Variants in RANBP17 observed in about 807,000 individuals in gnomAD.
RANBP17 encodes ran-binding protein 17.
Under a neutral mutation model 141.2 loss-of-function variants are expected in RANBP17, and 158 were observed. The ratio of observed to expected loss-of-function variants is 1.12; its 90% CI spans 0.98 to 1.28. The LOEUF (loss-of-function observed/expected upper bound fraction) is 1.28. Among genes scored for constraint, RANBP17 ranks in the 50% most tolerant of loss-of-function variants. RANBP17 has a pLI of 0.00. For synonymous variants in RANBP17, 430 were observed against 450.0 expected (o/e 0.96, Z 0.56); for missense variants, 1,438 against 1,290.7 (o/e 1.11, Z -1.75).
chr5:171,248,487 A>G (rs1026439093), intron 24 of RANBP17, among the ~76,000 whole-genome samples: 4 of 152,198 alleles, frequency 2.6e-5, no homozygotes, highest in Non-Finnish European at 2.9e-5. Context: ...TGCAGAGAAA[A>G]GGGTAAATGA....
chr5:170,908,000 C>T (rs1466616995), intron 5 of RANBP17, among the ~76,000 whole-genome samples: 2 of 151,748 alleles, frequency 1.3e-5, no homozygotes, highest in Non-Finnish European at 2.9e-5. Context: ...TCAGAATGGC[C>T]ATTATTAAAT....
At chr5:170,902,075 C>T (rs1388762200) in intron 5 of RANBP17, among the ~76,000 whole-genome samples, 3 of 152,052 alleles carry the variant, frequency 2.0e-5, no homozygotes, top group African/African-American at 2.4e-5. Flanking sequence ...CCTGTCTTGG[C>T]GGGTTGGGGA....
chr5:171,295,271 G>A (rs1443149310), intron 26 of RANBP17, among the ~76,000 whole-genome samples: 2 of 152,178 alleles, frequency 1.3e-5, no homozygotes, highest in Non-Finnish European at 2.9e-5. Flanking sequence ...AGAAAAGGCT[G>A]TGCAGGTGTT....
At chr5:170,974,539 T>C (rs1233280301) in intron 14 of RANBP17, among the ~76,000 whole-genome samples, 6 of 152,114 alleles carry the variant, frequency 3.9e-5, no homozygotes, top group African/African-American at 1.4e-4. Context: ...GCTCTTTTAG[T>C]CTAGAGTTCC....
rs764039794 is a variant in RANBP17 at position 171,205,585 on chromosome 5, C to G, written c.2204C>G (p.Thr735Ser). 6.8e-6 allele frequency: 11 copies of G among 1,613,732 alleles called. No homozygotes were observed. In the African/African-American group the frequency reaches 1.2e-4, roughly 18 times the overall value. The change falls in exon 20 of 28, where the codon ACC becomes AGC. Residue 735 changes from threonine to serine, a missense_variant. Thr to Ser is a moderately conservative substitution (Grantham distance 58, BLOSUM62 1). Coordinates refer to ENST00000523189, the MANE Select transcript of RANBP17 (RefSeq NM_022897.5). ...RGIAFALNTK[T>S]SYTMLFDWMY... ...ATTGCCTTTGCACTGAACACAAAGA[C>G]CAGCTACACCATGCTGTTTGACTGG...
chr5:171,033,496 GT>G (rs1316503555), intron 14 of RANBP17, among the ~76,000 whole-genome samples: 4 of 152,100 alleles, frequency 2.6e-5, no homozygotes. Flanking sequence ...GGAAGAATAT[GT>G]TGCCTATGTT....
At chr5:170,970,519 A>C (rs1776907545) in intron 14 of RANBP17, 1 of 152,014 alleles carries the variant, frequency 6.6e-6, no homozygotes, top group Non-Finnish European at 1.5e-5. Context: ...GCTCTCTGTT[A>C]ATTCCAGGTA....
At chr5:171,274,528 T>C (rs1232400149) in intron 25 of RANBP17, among the ~76,000 whole-genome samples, 2 of 152,164 alleles carry the variant, frequency 1.3e-5, no homozygotes, top group Non-Finnish European at 2.9e-5. Context: ...GTAACAAAAT[T>C]GGTATTTTAA....
At position 170,928,681 on chromosome 5, in the gene RANBP17, A is replaced by G. The variant is rs560503196; in HGVS notation, c.1468+4131A>G. Among the ~76,000 whole-genome samples the G allele has an allele frequency of 5.4e-4, 82 of 152,116 alleles. 1 individual carries two copies. Among genetic ancestry groups the G allele is most frequent in the Admixed American group, 1.2e-3 (19 of 15,270 alleles). On this transcript the variant is annotated intron_variant, in intron 12 of 27. Coordinates refer to ENST00000523189, the MANE Select transcript of RANBP17 (RefSeq NM_022897.5). ...ACTTTTTGTTCTGTACCACTGATCTATATATGTTTATCCTTATGCTAATAC... is the reference window on the plus strand; with the variant it reads ...ACTTTTTGTTCTGTACCACTGATCTGTATATGTTTATCCTTATGCTAATAC...
At chr5:171,247,943 G>A (rs1581113447) in intron 24 of RANBP17, among the ~76,000 whole-genome samples, 1 of 152,164 alleles carries the variant, frequency 6.6e-6, no homozygotes, top group South Asian at 2.1e-4. Context: ...GGTGGAAAAA[G>A]AATAAGTCAA....
intron 14 of RANBP17, among the ~76,000 whole-genome samples, chr5:171,007,680 T>C (rs545656435): frequency 6.6e-6 from 1 of 152,234 alleles, no homozygotes; most frequent in Admixed American, 6.5e-5. Context: ...ACAAAAATTA[T>C]CTAGGTCTCG....
intron 14 of RANBP17, among the ~76,000 whole-genome samples, chr5:171,169,830 G>T (rs567513893): frequency 6.6e-6 from 1 of 151,770 alleles, no homozygotes; most frequent in Non-Finnish European, 1.5e-5. Flanking sequence ...CCAGAAAGGG[G>T]TGGTCTACCA....
chr5:171,135,285 A>G (rs1757197288), intron 14 of RANBP17, among the ~76,000 whole-genome samples: 1 of 151,552 alleles, frequency 6.6e-6, no homozygotes. Flanking sequence ...ATCTCAAAAA[A>G]AAAAAAAAAA....
At chr5:171,223,479 C>CA (rs1403051080) in intron 22 of RANBP17, among the ~76,000 whole-genome samples, 1 of 151,926 alleles carries the variant, frequency 6.6e-6, no homozygotes, top group Non-Finnish European at 1.5e-5. Flanking sequence ...ACCAAAAATA[C>CA]AAAAAATTAG....
intron 14 of RANBP17, among the ~76,000 whole-genome samples, chr5:171,083,178 T>C (rs2127712583): frequency 6.6e-6 from 1 of 152,318 alleles, no homozygotes; most frequent in East Asian, 1.9e-4. Context: ...ACTGCATATT[T>C]GTGTGCCCTC....
Position 171,126,135 on chromosome 5 carries a change from T to C in RANBP17, c.1711-43995T>C, listed in dbSNP as rs566059805. Among the ~76,000 whole-genome samples the C allele has an allele frequency of 2.0e-5, 3 of 152,228 alleles. No individual in the cohort carries two copies. The South Asian group carries it at 6.2e-4, about 32-fold the overall frequency. On this transcript the variant is annotated intron_variant, in intron 14 of 27. Transcript: ENST00000523189. The stretch of plus-strand genomic sequence containing the variant: ...TGCCACATATTATATCTGACCACAA[T>C]GGGATAAAACTAGAAATTAGTAATG...
chr5:171,296,015 G>T lies in RANBP17; in HGVS notation c.3170+1G>T. On this transcript the variant is annotated splice_donor_variant, in intron 27 of 27. Transcript: ENST00000523189. LOFTEE classifies it high-confidence loss of function. ...ACCTGTCCGTCAAGAACAGAGACAG[G>T]TGAGCATTGCCCAGTAGTGTGTCAC... is the stretch of plus-strand genomic sequence containing the variant. The T allele has an allele frequency of 6.2e-7, 1 of 1,613,092 alleles. No individual in the cohort carries two copies. Among genetic ancestry groups the T allele is most frequent in the South Asian group, 1.1e-5 (1 of 90,986 alleles).
intron 14 of RANBP17, among the ~76,000 whole-genome samples, chr5:171,128,913 T>C (rs369165764): frequency 3.3e-5 from 5 of 152,244 alleles, no homozygotes; most frequent in South Asian, 4.1e-4. Flanking sequence ...TTTGCCTATT[T>C]ATTCTTTCAA....
chr5:171,124,279 A>T (rs1465154919), intron 14 of RANBP17, among the ~76,000 whole-genome samples: 1 of 152,106 alleles, frequency 6.6e-6, no homozygotes, highest in African/African-American at 2.4e-5. Context: ...ACTTGAAGAC[A>T]GGTTGCTTGA....
Sources: allele counts gnomAD v4.1 joint callset (sites outside exome capture counted in the v4.1 genomes callset), GRCh38; gene constraint gnomAD v4.1.1; transcripts MANE v1.5; gene names NCBI Gene and HGNC (gene_info 2026-07-23, HGNC 2026-07-21).